Variants in CCDC148 observed in about 807,000 individuals in gnomAD.
The protein encoded by CCDC148 is coiled-coil domain containing 148.
CCDC148 carries 89 observed loss-of-function variants against 85.7 expected under a neutral mutation model. That is an observed-to-expected ratio of 1.04 (90% CI 0.87 to 1.24). CCDC148 has a LOEUF of 1.24. Ranked by LOEUF, CCDC148 falls within the 50% of genes most tolerant of loss-of-function variation. The pLI is 0.00. For synonymous variants in CCDC148, 230 were observed against 213.9 expected (o/e 1.08, Z -0.66); for missense variants, 692 against 671.7 (o/e 1.03, Z -0.33).
At chr2:158,447,808 T>A (rs1194242206) in intron 1 of CCDC148, among the ~76,000 whole-genome samples, 2 of 152,224 alleles carry the variant, frequency 1.3e-5, no homozygotes, top group African/African-American at 4.8e-5. Flanking sequence ...ATCAGATATT[T>A]GACCTAGGAA....
chr2:158,282,259 T>C (rs973782767), intron 9 of CCDC148, among the ~76,000 whole-genome samples: 2 of 152,104 alleles, frequency 1.3e-5, no homozygotes, highest in African/African-American at 4.8e-5. Context: ...TTGAACATAG[T>C]GTTGGAAGTT....
intron 1 of CCDC148, among the ~76,000 whole-genome samples, chr2:158,415,704 G>C (rs1029411743): frequency 6.6e-6 from 1 of 152,194 alleles, no homozygotes; most frequent in Non-Finnish European, 1.5e-5. Flanking sequence ...AGAGAAATCT[G>C]CCAGAAGAAA....
rs767665162 is a variant in CCDC148 at position 158,339,096 on chromosome 2, T to C, written c.487-11A>G. 1.3e-6 allele frequency: 2 copies of C among 1,596,508 alleles called. No individual in the cohort carries two copies. ...CTTCACAAAGTCAACCTATAGGACA[T>C]TTGGAACAAGTAGTAGGCAAATTAT... On this transcript the variant is annotated splice_polypyrimidine_tract_variant and intron_variant, in intron 5 of 13. Transcript: ENST00000283233.
chr2:158,242,996 T>C (rs1036173807), intron 10 of CCDC148, among the ~76,000 whole-genome samples: 1 of 151,982 alleles, frequency 6.6e-6, no homozygotes, highest in African/African-American at 2.4e-5. Flanking sequence ...TCATTCTGAT[T>C]GGCAAATGTG....
At chr2:158,223,013 G>A (rs577507628) in intron 10 of CCDC148, among the ~76,000 whole-genome samples, 25 of 152,272 alleles carry the variant, frequency 1.6e-4, no homozygotes, top group African/African-American at 5.3e-4. Flanking sequence ...CCGAAGCAGC[G>A]TGAGGCATCG....
intron 1 of CCDC148, among the ~76,000 whole-genome samples, chr2:158,377,756 T>C (rs896437726): frequency 6.6e-6 from 1 of 152,120 alleles, no homozygotes; most frequent in Non-Finnish European, 1.5e-5. Flanking sequence ...CCCTTCATTA[T>C]ATTTATTATG....
rs1275215471 is a variant in CCDC148, at chr2:158,339,034, C to G, written c.538G>C (p.Glu180Gln). The change falls in exon 6 of 14, where the codon GAG (glutamate) becomes CAG (glutamine). Residue 180 changes from glutamate (E) to glutamine (Q), a missense_variant. Glu to Gln is a conservative substitution (Grantham distance 29). Coordinates refer to ENST00000283233, the MANE Select transcript of CCDC148 (RefSeq NM_138803.4). Reference sequence around the variant, plus strand: ...AGATCATTTTCTATTCTCTGTTGCTCCAGCCTAAGTCTTTCAAAGACAGTT... The same window carrying G: ...AGATCATTTTCTATTCTCTGTTGCTGCAGCCTAAGTCTTTCAAAGACAGTT... ...LKTVFERLRLEQQRIENDLSD... is the reference protein window; with the variant it reads ...LKTVFERLRLQQQRIENDLSD... 3 of 1,613,874 alleles carry G rather than the reference C, an allele frequency of 1.9e-6. No individual in the cohort carries two copies. Among genetic ancestry groups the G allele is most frequent in the South Asian group, 2.2e-5 (2 of 91,050 alleles).
chr2:158,235,497 C>T (rs1688061976), intron 10 of CCDC148, among the ~76,000 whole-genome samples: 1 of 152,166 alleles, frequency 6.6e-6, no homozygotes. Context: ...ACTGAAAATG[C>T]TATCCATTGA....
At chr2:158,266,961 T>TAC (rs1383046394) in intron 9 of CCDC148, among the ~76,000 whole-genome samples, 8 of 151,140 alleles carry the variant, frequency 5.3e-5, no homozygotes, top group Admixed American at 1.3e-4. Flanking sequence ...TGTATATATA[T>TAC]ATATACACAT....
chr2:158,398,629 T>C (rs1685634345), intron 1 of CCDC148, among the ~76,000 whole-genome samples: 1 of 151,982 alleles, frequency 6.6e-6, no homozygotes, highest in Admixed American at 6.6e-5. Context: ...TTTAAAGCAG[T>C]GGGTAGAGGG....
In CCDC148 at chr2:158,309,566, T is replaced by C; in HGVS notation, c.977A>G (p.Asn326Ser). 1.2e-6 allele frequency: 2 copies of C among 1,613,922 alleles called. No individual in the cohort carries two copies. The highest frequency in any genetic ancestry group is 1.7e-6 in the Non-Finnish European group (2 of 1,179,780). The part of the protein sequence containing the change: ...EQQNILISNW[N>S]KNKKDFIQKA... ...CTGTATAAAGTCTTTCTTATTTTTA[T>C]TCCAATTTGATATCAGGATATTTTG... Residue 326 changes from asparagine (N) to serine (S), a missense_variant, in exon 9 of 14, where the codon AAT (asparagine) becomes AGT (serine). Physicochemically the swap from Asn to Ser is conservative, Grantham distance 46. Coordinates refer to ENST00000283233, the MANE Select transcript of CCDC148 (RefSeq NM_138803.4).
intron 1 of CCDC148, among the ~76,000 whole-genome samples, chr2:158,392,636 A>G (rs2105298148): frequency 6.6e-6 from 1 of 152,224 alleles, no homozygotes; most frequent in South Asian, 2.1e-4. Context: ...TATTACAATT[A>G]TCATAAATTA....
intron 3 of CCDC148, among the ~76,000 whole-genome samples, chr2:158,342,363 G>T (rs1167423684): frequency 1.3e-5 from 2 of 152,060 alleles, no homozygotes; most frequent in Admixed American, 1.3e-4. Context: ...ATGTATAAAG[G>T]AGGGGTGATA....
At chr2:158,309,299 C>T in intron 9 of CCDC148, 134 bp downstream of exon 9, 1 of 733,104 alleles carries the variant, frequency 1.4e-6, no homozygotes, top group Non-Finnish European at 2.2e-6. Flanking sequence ...TTATACAGTT[C>T]AAACTAACAG....
At chr2:158,300,273 A>C (rs1691379398) in intron 9 of CCDC148, among the ~76,000 whole-genome samples, 1 of 152,202 alleles carries the variant, frequency 6.6e-6, no homozygotes, top group Non-Finnish European at 1.5e-5. Context: ...AGGCTTATCC[A>C]CTTCACTTCA....
intron 9 of CCDC148, among the ~76,000 whole-genome samples, chr2:158,264,005 TAG>T (rs1689347130): frequency 1.3e-5 from 2 of 151,922 alleles, no homozygotes; most frequent in Non-Finnish European, 2.9e-5. Context: ...ATATTTCCTT[TAG>T]AGTTATTATT....
At chr2:158,361,243 T>C in intron 1 of CCDC148, among the ~76,000 whole-genome samples, 1 of 151,972 alleles carries the variant, frequency 6.6e-6, no homozygotes, top group Middle Eastern at 3.4e-3. Context: ...CAAGTTGGAA[T>C]GCACTCTTCA....
intron 9 of CCDC148, among the ~76,000 whole-genome samples, chr2:158,259,744 T>C (rs1176106578): frequency 6.6e-6 from 1 of 151,948 alleles, no homozygotes; most frequent in Non-Finnish European, 1.5e-5. Context: ...TATTTGGATG[T>C]GACCCTGTAC....
chr2:158,222,082 T>C (rs1483691324), intron 10 of CCDC148, among the ~76,000 whole-genome samples: 2 of 152,230 alleles, frequency 1.3e-5, no homozygotes, highest in African/African-American at 4.8e-5. Context: ...ATTTTTGCAA[T>C]GAATCATATT....
Sources: allele counts gnomAD v4.1 joint callset (sites outside exome capture counted in the v4.1 genomes callset), GRCh38; gene constraint gnomAD v4.1.1; transcripts MANE v1.5; gene names NCBI Gene and HGNC (gene_info 2026-07-23, HGNC 2026-07-21).